NFIA: variants seen among roughly 807,000 people sequenced by gnomAD.
The protein encoded by NFIA is nuclear factor I A.
NFIA carries 8 observed loss-of-function variants against 62.8 expected under a neutral mutation model. The ratio of observed to expected loss-of-function variants is 0.13; its 90% CI spans 0.07 to 0.23. The LOEUF is 0.23. NFIA is among the 10% of genes least tolerant of loss of function. The pLI is 1.00. For synonymous variants in NFIA, 235 were observed against 238.1 expected (o/e 0.99, Z 0.12); for missense variants, 410 against 642.1 (o/e 0.64, Z 3.91).
intron 6 of NFIA, among the ~76,000 whole-genome samples, chr1:61,364,201 C>T (rs957569133): frequency 2.6e-5 from 4 of 152,188 alleles, no homozygotes; most frequent in African/African-American, 9.7e-5. Context: ...CTGCCTCAGC[C>T]TCCCAAAGTG....
At chr1:61,317,638 C>T (rs1208853454) in intron 3 of NFIA, among the ~76,000 whole-genome samples, 1 of 151,834 alleles carries the variant, frequency 6.6e-6, no homozygotes, top group Non-Finnish European at 1.5e-5. Flanking sequence ...CTCAAAAATT[C>T]ACTTAAATAA....
At chr1:61,224,296 C>G (rs1654194044) in intron 2 of NFIA, among the ~76,000 whole-genome samples, 1 of 152,024 alleles carries the variant, frequency 6.6e-6, no homozygotes, top group African/African-American at 2.4e-5. Flanking sequence ...ATGCTTATCT[C>G]TTATGCTCCA....
At chr1:61,373,546 A>G (rs1664006281) in intron 6 of NFIA, among the ~76,000 whole-genome samples, 1 of 152,090 alleles carries the variant, frequency 6.6e-6, no homozygotes, top group African/African-American at 2.4e-5. Flanking sequence ...TTCAAATTAA[A>G]TTTTATCCAT....
intron 4 of NFIA, among the ~76,000 whole-genome samples, chr1:61,338,307 CGGGTCCACTACA>C (rs1362651906): frequency 1.3e-5 from 2 of 152,184 alleles, no homozygotes; most frequent in African/African-American, 2.4e-5. Flanking sequence ...GCTCAGCTGC[CGGGTCCACTACA>C]GGATTCCTGA....
intron 2 of NFIA, among the ~76,000 whole-genome samples, chr1:61,142,652 G>A (rs1342286190): frequency 6.6e-6 from 1 of 152,104 alleles, no homozygotes; most frequent in Non-Finnish European, 1.5e-5. Flanking sequence ...TCCTTTACTC[G>A]TAATTTTAGT....
intron 2 of NFIA, among the ~76,000 whole-genome samples, chr1:61,176,929 C>G (rs962430042): frequency 2.0e-5 from 3 of 151,848 alleles, no homozygotes; most frequent in Non-Finnish European, 2.9e-5. Context: ...ACAGTGAAAC[C>G]CCGTCTCTAC....
rs1668361016 is a variant in NFIA, at chr1:61,457,522, T to C, written c.*2202T>C. On this transcript the variant is annotated 3_prime_UTR_variant, in exon 11 of 11. Coordinates refer to ENST00000403491, the MANE Select transcript of NFIA (RefSeq NM_001134673.4). This position sits in a 1 kb window ranked among gnomAD's most constrained non-coding sequence, Gnocchi z 4.2. ...AGAATATCAGTATTTTGGATGTTGC[T>C]GCATTTTACAATTTATTTGGAGTCT... is the stretch of plus-strand genomic sequence containing the variant. The C allele has an allele frequency of 6.6e-6, 1 of 152,238 alleles. No individual in the cohort carries two copies. Among genetic ancestry groups the C allele is most frequent in the African/African-American group, 2.4e-5 (1 of 41,464 alleles). 9.4% of individuals were successfully genotyped at this position (152,238 alleles called of 1,614,324 possible).
chr1:61,370,098 G>A (rs1476362903), intron 6 of NFIA, among the ~76,000 whole-genome samples: 1 of 152,228 alleles, frequency 6.6e-6, no homozygotes, highest in African/African-American at 2.4e-5. Flanking sequence ...GATCCCAGAA[G>A]TCAATCAATA....
intron 3 of NFIA, among the ~76,000 whole-genome samples, chr1:61,280,092 A>G (rs1423554876): frequency 6.6e-6 from 1 of 152,240 alleles, no homozygotes; most frequent in Non-Finnish European, 1.5e-5. Flanking sequence ...CAGCCTACTC[A>G]GTTTTCTGCC....
At chr1:61,438,462 A>T (rs1046631015) in intron 10 of NFIA, among the ~76,000 whole-genome samples, 2 of 152,144 alleles carry the variant, frequency 1.3e-5, no homozygotes, top group East Asian at 1.9e-4. Context: ...AGCACCCCGG[A>T]GGTAATCTGG....
chr1:61,303,595 G>T lies in NFIA; in HGVS notation c.625+26010G>T, dbSNP rs78998442. On this transcript the variant is annotated intron_variant, in intron 3 of 10. Transcript: ENST00000403491. ...GTGGATGGAATGAAGACAGCAAGGT[G>T]AGCAGGAGAAAAGGAACTCAGGTAA... is the stretch of plus-strand genomic sequence containing the variant. Among the ~76,000 whole-genome samples the T allele has an allele frequency of 3.8e-3, 572 of 152,352 alleles. 9 individuals are homozygous for T. Among genetic ancestry groups the T allele is most frequent in the African/African-American group, 0.013 (557 of 41,580 alleles).
At chr1:61,225,492 G>A (rs1157698535) in intron 2 of NFIA, among the ~76,000 whole-genome samples, 5 of 150,658 alleles carry the variant, frequency 3.3e-5, no homozygotes, top group Admixed American at 6.6e-5. Context: ...TTTGTGATCC[G>A]CCTGCCTCGG....
At chr1:61,177,477 T>G (rs1650456150) in intron 2 of NFIA, among the ~76,000 whole-genome samples, 1 of 152,212 alleles carries the variant, frequency 6.6e-6, no homozygotes, top group African/African-American at 2.4e-5. Flanking sequence ...CTAGTGATGC[T>G]ATATGCATTA....
intron 2 of NFIA, among the ~76,000 whole-genome samples, chr1:61,135,833 A>G (rs1342887886): frequency 6.6e-6 from 1 of 152,198 alleles, no homozygotes; most frequent in African/African-American, 2.4e-5. Flanking sequence ...TTAATAAGAC[A>G]GTTTCGTCTA....
At chr1:61,275,116 T>A (rs1657731822) in intron 2 of NFIA, among the ~76,000 whole-genome samples, 1 of 152,218 alleles carries the variant, frequency 6.6e-6, no homozygotes, top group South Asian at 2.1e-4. Context: ...GTTTTCAGTT[T>A]GGCTGGATGC....
At chr1:61,082,118 T>C, upstream of NFIA, 3 of 1,259,658 alleles carry the variant, frequency 2.4e-6, no homozygotes, top group Non-Finnish European at 2.1e-6. Context: ...CTTAAGCACA[T>C]CCTGTGGCAG....
chr1:61,136,115 G>A (rs570152649), intron 2 of NFIA, among the ~76,000 whole-genome samples: 31 of 152,200 alleles, frequency 2.0e-4, no homozygotes, highest in Non-Finnish European at 4.0e-4. Context: ...TCTTACTTAT[G>A]TCTGCATTTA....
intron 2 of NFIA, among the ~76,000 whole-genome samples, chr1:61,112,124 ATTT>A (rs36050665): frequency 0.039 from 5,832 of 150,120 alleles, 411 homozygotes; most frequent in East Asian, 0.35. Flanking sequence ...AAATAGAAAG[ATTT>A]TTTTTTTTTA....
At position 61,088,535 on chromosome 1, in the gene NFIA, A is replaced by G. The variant is rs931476297; in HGVS notation, c.414A>G (p.Lys138=). Residue 138 remains lysine, a synonymous_variant, in exon 2 of 11, where the codon AAA becomes AAG. Transcript: ENST00000403491. This position sits in a 1 kb window ranked among gnomAD's most constrained non-coding sequence, Gnocchi z 4.5. ...ACCTTGTTATGGTGATTTTGTTTAA[A>G]GGTATTCCGCTGGAAAGTACTGATG... ...RLDLVMVILF[K]GIPLESTDGE... The G allele has an allele frequency of 6.2e-7, 1 of 1,614,124 alleles. No individual in the cohort carries two copies. Among genetic ancestry groups the G allele is most frequent in the Non-Finnish European group, 8.5e-7 (1 of 1,180,016 alleles).
Sources: allele counts gnomAD v4.1 joint callset (sites outside exome capture counted in the v4.1 genomes callset), GRCh38; gene constraint gnomAD v4.1.1; non-coding constraint Gnocchi (gnomAD v3.1); transcripts MANE v1.5; gene names NCBI Gene and HGNC (gene_info 2026-07-23, HGNC 2026-07-21).